The following YJU2B variants were observed in gnomAD, a reference collection of about 807,000 sequenced individuals.
The protein encoded by YJU2B is probable splicing factor YJU2B.
In YJU2B, 18 loss-of-function variants were observed where a neutral mutation model predicts 38.0. The ratio of observed to expected loss-of-function variants is 0.47; its 90% CI spans 0.33 to 0.70. The LOEUF is 0.70. YJU2B is among the 30% of genes least tolerant of loss of function. The probability of loss-of-function intolerance (pLI) is 0.02; values close to 1 mark genes in which losing one functional copy is unlikely to be tolerated. For missense variants in YJU2B, 538 were observed against 556.3 expected (o/e 0.97, Z 0.33); for synonymous variants, 246 against 225.4 (o/e 1.09, Z -0.82).
In YJU2B at chr19:13,757,457, G is replaced by T; in HGVS notation, c.180G>T (p.Lys60Asn). ...MPYNIWCDGC[K>N]NHIGMGVRYN... is the part of the protein sequence containing the mutation. Reference sequence around the variant, plus strand: ...ATAACATCTGGTGCGATGGCTGCAAGAACCACATCGGCATGGGTGAGCCTC... The same window carrying T: ...ATAACATCTGGTGCGATGGCTGCAATAACCACATCGGCATGGGTGAGCCTC... Residue 60 changes from lysine to asparagine, a missense_variant, in exon 5 of 10, where the codon AAG becomes AAT. Lys to Asn is a moderately conservative substitution (Grantham distance 94). Transcript: ENST00000221554. The T allele has an allele frequency of 1.9e-6, 3 of 1,613,838 alleles. No individual in the cohort carries two copies. Among genetic ancestry groups the T allele is most frequent in the Non-Finnish European group, 2.5e-6 (3 of 1,179,946 alleles).
At chr19:13,733,366 T>A (rs1256744799) in intron 2 of YJU2B, among the ~76,000 whole-genome samples, 1 of 152,182 alleles carries the variant, frequency 6.6e-6, no homozygotes, top group Non-Finnish European at 1.5e-5. Flanking sequence ...GGATCATTCT[T>A]TGTAGTGCAA....
chr19:13,741,659 C>T (rs887340652), intron 2 of YJU2B, among the ~76,000 whole-genome samples: 7 of 151,922 alleles, frequency 4.6e-5, no homozygotes, highest in Non-Finnish European at 7.4e-5. Context: ...ACGGCTTGAA[C>T]CTGGGAGTTC....
intron 3 of YJU2B, among the ~76,000 whole-genome samples, chr19:13,755,698 G>A (rs192539442): frequency 2.8e-4 from 43 of 151,338 alleles, no homozygotes; most frequent in Admixed American, 2.3e-3. Flanking sequence ...GCTCACACCC[G>A]GAATCCCAGC....
intron 2 of YJU2B, among the ~76,000 whole-genome samples, chr19:13,734,120 G>A (rs984156346): frequency 6.6e-6 from 1 of 151,902 alleles, no homozygotes; most frequent in African/African-American, 2.4e-5. Flanking sequence ...TAGAGACAGG[G>A]TCTCACTATG....
At chr19:13,758,779 C>T in intron 6 of YJU2B, 89 bp from the exon 7 acceptor site, 1 of 1,482,884 alleles carries the variant, frequency 6.7e-7, no homozygotes, top group East Asian at 2.3e-5. Context: ...CAAATGACAC[C>T]ATTGGGTGGA....
upstream of YJU2B, among the ~76,000 whole-genome samples, chr19:13,745,774 T>A (rs913035026): frequency 1.1e-4 from 17 of 149,332 alleles, no homozygotes; most frequent in Non-Finnish European, 2.5e-4. Flanking sequence ...GGAATAGTAG[T>A]AATATTGTCA....
At chr19:13,733,100 T>G (rs1028401817) in intron 2 of YJU2B, among the ~76,000 whole-genome samples, 6 of 151,506 alleles carry the variant, frequency 4.0e-5, no homozygotes. Context: ...CGGCTAATTT[T>G]TTGTATATTT....
chr19:13,755,819 G>C (rs143823228), intron 3 of YJU2B, among the ~76,000 whole-genome samples: 1 of 151,926 alleles, frequency 6.6e-6, no homozygotes, highest in Admixed American at 6.6e-5. Flanking sequence ...ATAGCCGGGC[G>C]TGGTGGCAGG....
intron 2 of YJU2B, among the ~76,000 whole-genome samples, 190 bp downstream of exon 2, chr19:13,752,001 T>C (rs1973486008): frequency 6.6e-6 from 1 of 152,188 alleles, no homozygotes. Flanking sequence ...AATGTTTTTT[T>C]GTTTCATTTT....
chr19:13,732,505 G>C (rs1972841521), intron 2 of YJU2B: 1 of 151,732 alleles, frequency 6.6e-6, no homozygotes, highest in Non-Finnish European at 1.5e-5. Context: ...TACTTGGAAG[G>C]CTGAGGCAGG....
At chr19:13,733,434 C>T (rs967125524) in intron 2 of YJU2B, among the ~76,000 whole-genome samples, 1 of 152,016 alleles carries the variant, frequency 6.6e-6, no homozygotes, top group Non-Finnish European at 1.5e-5. Flanking sequence ...GCTCATTAGA[C>T]GCCATAGCCA....
chr19:13,759,203 C>T lies in YJU2B; in HGVS notation c.504C>T (p.His168=). The T allele has an allele frequency of 6.2e-7, 1 of 1,613,578 alleles. No homozygotes were observed. Residue 168 remains histidine, a synonymous_variant, in exon 8 of 10, where the codon CAC becomes CAT. Coordinates refer to ENST00000221554, the MANE Select transcript of YJU2B (RefSeq NM_030818.4). ...AGAAGGCGCTGCCCACACTGAGCCA[C>T]ATCCAGGAGGCCCAGAGCGCCTGGA... The part of the protein sequence containing the change: ...TLKKALPTLS[H]IQEAQSAWKD...
rs141493693 is a variant in YJU2B at position 13,757,592 on chromosome 19, G to A, written c.196+119G>A. The A allele has an allele frequency of 7.6e-4, 851 of 1,119,430 alleles. 4 individuals carry two copies. In the African/African-American group the frequency reaches 9.4e-3, roughly 12 times the overall value. The allele number at this position is 1,119,430 out of a possible 1,614,324, so 69.3% of individuals were successfully genotyped here. ...GGAATGAGGGAGGAGACGGGCACCC[G>A]AGTGACTGGCTGGCCATGGAAGCCC... On this transcript the variant is annotated intron_variant, in intron 5 of 9. Transcript: ENST00000221554.
chr19:13,760,268 G>A (rs1476419464), intron 8 of YJU2B, among the ~76,000 whole-genome samples: 11 of 152,100 alleles, frequency 7.2e-5, no homozygotes, highest in Admixed American at 3.9e-4. Context: ...TGGAGTCTGC[G>A]AAGTCCAGGA....
chr19:13,750,737 C>CT (rs1294913538), intron 1 of YJU2B, among the ~76,000 whole-genome samples: 1 of 151,706 alleles, frequency 6.6e-6, no homozygotes, highest in Non-Finnish European at 1.5e-5. Flanking sequence ...TGGCGGGTAC[C>CT]TGTAATCCCA....
chr19:13,754,342 G>A lies in YJU2B; in HGVS notation c.57G>A (p.Lys19=), dbSNP rs765262615. 2.5e-6 allele frequency: 4 copies of A among 1,612,936 alleles called. No homozygotes were observed. Among genetic ancestry groups the A allele is most frequent in the Non-Finnish European group, 3.4e-6 (4 of 1,179,060 alleles). The change falls in exon 3 of 10, where the codon AAG becomes AAA. Residue 19 remains lysine (K), a splice_region_variant and synonymous_variant. Coordinates refer to ENST00000221554, the MANE Select transcript of YJU2B (RefSeq NM_030818.4). The part of the protein sequence containing the change: ...KYYPPDFNPE[K]HGSLNRYHNS... ...ATCCTCCAGACTTCAACCCTGAGAA[G>A]GTAAGCAGGCTCTCCGCTCCAGGTC...
chr19:13,740,358 C>T (rs1421657003), intron 2 of YJU2B, among the ~76,000 whole-genome samples: 1 of 151,872 alleles, frequency 6.6e-6, no homozygotes, highest in Non-Finnish European at 1.5e-5. Context: ...ACTACAGGCA[C>T]GTGCCACTAT....
At chr19:13,751,569 T>C in intron 1 of YJU2B, 39 bp from the exon 2 acceptor site, 1 of 556,978 alleles carries the variant, frequency 1.8e-6, no homozygotes, top group Non-Finnish European at 3.2e-6. Flanking sequence ...GATGCGTATA[T>C]TGGCTGTAGA....
At chr19:13,734,295 T>G (rs1345547506) in intron 2 of YJU2B, among the ~76,000 whole-genome samples, 1 of 151,672 alleles carries the variant, frequency 6.6e-6, no homozygotes, top group Non-Finnish European at 1.5e-5. Flanking sequence ...CTGTAGAGAT[T>G]GTTTTTTTTT....
Sources: gnomAD v4.1 joint callset for allele counts (sites outside exome capture counted in the v4.1 genomes callset) on GRCh38, gnomAD v4.1.1 for gene constraint, MANE v1.5 for transcripts, NCBI Gene and HGNC (gene_info 2026-07-23, HGNC 2026-07-21) for gene names.